The following C5orf47 variants were observed in gnomAD, a reference collection of about 807,000 sequenced individuals.
C5orf47 encodes chromosome 5 open reading frame 47.
A neutral mutation model predicts 20.6 loss-of-function variants in C5orf47; 20 were observed. The observed-to-expected ratio is 0.97, with a 90% CI of 0.68 to 1.41. C5orf47 has a LOEUF of 1.41. C5orf47 is among the 40% of genes most tolerant of loss of function. The pLI is 0.00. For missense variants in C5orf47, 262 were observed against 238.4 expected, an observed-to-expected ratio of 1.10 and a Z score of -0.65; for synonymous variants, 106 against 97.3, an observed-to-expected ratio of 1.09 and a Z score of -0.53.
At chr5:173,993,848 G>T (rs1451135149) in intron 1 of C5orf47, among the ~76,000 whole-genome samples, 2 of 152,184 alleles carry the variant, frequency 1.3e-5, no homozygotes, top group Admixed American at 1.3e-4. Context: ...TGGACCTTGA[G>T]TTTTAAGTCA....
At chr5:174,003,554 A>G (rs566218736) in intron 4 of C5orf47, among the ~76,000 whole-genome samples, 1 of 152,318 alleles carries the variant, frequency 6.6e-6, no homozygotes, top group East Asian at 1.9e-4. Flanking sequence ...AGTGTTGTAC[A>G]GGAGGTAGTG....
intron 1 of C5orf47, among the ~76,000 whole-genome samples, chr5:173,993,371 G>A (rs145484925): frequency 0.014 from 2,070 of 152,248 alleles, 59 homozygotes; most frequent in African/African-American, 0.047. Context: ...AGCCAGGCGC[G>A]GTGGCTCATG....
At chr5:173,989,899 C>T (rs143851244) in intron 1 of C5orf47, among the ~76,000 whole-genome samples, 6,174 of 152,276 alleles carry the variant, frequency 0.041, 183 homozygotes, top group Non-Finnish European at 0.058. Flanking sequence ...CGCAAACCCC[C>T]TCACCTGGAG....
intron 1 of C5orf47, among the ~76,000 whole-genome samples, chr5:173,992,325 A>T (rs1759013766): frequency 6.6e-6 from 1 of 150,726 alleles, no homozygotes; most frequent in South Asian, 2.1e-4. Flanking sequence ...AGACGGGAGG[A>T]TTGCTTAAGG....
downstream of C5orf47, among the ~76,000 whole-genome samples, chr5:174,006,990 C>CA (rs1019544491): frequency 3.9e-5 from 6 of 152,084 alleles, no homozygotes; most frequent in African/African-American, 1.2e-4. Context: ...AGACAGGCCT[C>CA]AAAGGTTCTC....
At chr5:173,994,235 C>T (rs773423663) in intron 1 of C5orf47, among the ~76,000 whole-genome samples, 3 of 152,144 alleles carry the variant, frequency 2.0e-5, no homozygotes, top group Non-Finnish European at 2.9e-5. Flanking sequence ...TTGCAGTTTT[C>T]GGTGCATCTC....
chr5:174,007,377 C>T (rs1178565706), downstream of C5orf47, among the ~76,000 whole-genome samples: 1 of 152,188 alleles, frequency 6.6e-6, no homozygotes, highest in Non-Finnish European at 1.5e-5. Flanking sequence ...TGAATAGTAG[C>T]TCTGAACACA....
downstream of C5orf47, among the ~76,000 whole-genome samples, chr5:174,006,381 T>A (rs1033225520): frequency 6.6e-6 from 1 of 152,080 alleles, no homozygotes; most frequent in Admixed American, 6.5e-5. Flanking sequence ...TAATGAAAAA[T>A]TTTGGTGAGT....
At chr5:173,990,158 C>G in intron 1 of C5orf47, among the ~76,000 whole-genome samples, 2 of 142,904 alleles carry the variant, frequency 1.4e-5, no homozygotes, top group East Asian at 4.1e-4. Context: ...CGGGGTATTG[C>G]TGTGTCACTC....
chr5:173,999,886 T>C, intron 3 of C5orf47, 87 bp downstream of exon 3: 1 of 652,922 alleles, frequency 1.5e-6, no homozygotes, highest in Non-Finnish European at 2.6e-6. Flanking sequence ...TCAGTAGTTT[T>C]CTTAATTGTC....
chr5:174,009,360 A>ATTTCC (rs1759338508), downstream of C5orf47, among the ~76,000 whole-genome samples: 1 of 151,802 alleles, frequency 6.6e-6, no homozygotes, highest in Non-Finnish European at 1.5e-5. Flanking sequence ...TCTATTTACT[A>ATTTCC]TTTCCTTTCT....
rs116776561 is a variant in C5orf47, at chr5:173,996,328, A to G, written c.326-1825A>G. The stretch of plus-strand genomic sequence containing the variant: ...ATACACTGGAGCTAGTCTCAGTACA[A>G]TACACAAAATGAGTGGAAGAAATAT... On this transcript the variant is annotated intron_variant, in intron 1 of 4. Coordinates refer to ENST00000340147, the MANE Select transcript of C5orf47 (RefSeq NM_001144954.2). Among the ~76,000 whole-genome samples the G allele has an allele frequency of 6.4e-3, 970 of 152,356 alleles. 10 individuals carry two copies. Among genetic ancestry groups the G allele is most frequent in the African/African-American group, 0.023 (940 of 41,576 alleles).
Position 173,998,242 on chromosome 5 carries a change from T to C in C5orf47, c.411+4T>C, listed in dbSNP as rs1290140402. On this transcript the variant is annotated splice_donor_region_variant and intron_variant, in intron 2 of 4. Transcript: ENST00000340147. ...AATAATGAAGAAAAAGAAAAAGGTA[T>C]ATTGCTGTAAAGGAGAATGAGCAAT... is the stretch of plus-strand genomic sequence containing the variant. The C allele has an allele frequency of 6.9e-6, 10 of 1,455,928 alleles. No homozygotes were observed. The highest frequency in any genetic ancestry group is 9.4e-6 in the Non-Finnish European group (10 of 1,067,562). 90.2% of individuals were successfully genotyped at this position (1,455,928 alleles called of 1,614,324 possible). A position where few individuals can be genotyped will look rare whatever the true frequency, so the allele number is the denominator to read the frequency against.
chr5:173,998,099 C>A, intron 1 of C5orf47, 54 bp from the exon 2 acceptor site: 1 of 1,036,738 alleles, frequency 9.6e-7, no homozygotes. Flanking sequence ...TCTCTATTTT[C>A]AGATAGTAAA....
intron 1 of C5orf47, among the ~76,000 whole-genome samples, chr5:173,994,477 G>A (rs1012129107): frequency 1.3e-5 from 2 of 152,192 alleles, no homozygotes; most frequent in African/African-American, 4.8e-5. Context: ...GTTGGTGGGT[G>A]GGAGAGATTG....
chr5:174,000,127 G>A (rs961395468), intron 3 of C5orf47, among the ~76,000 whole-genome samples: 1 of 152,032 alleles, frequency 6.6e-6, no homozygotes, highest in Non-Finnish European at 1.5e-5. Flanking sequence ...GAAGCTCATC[G>A]GTATTGATGA....
intron 3 of C5orf47, 88 bp downstream of exon 3, chr5:173,999,887 C>G: frequency 1.5e-6 from 1 of 651,054 alleles, no homozygotes. Context: ...CAGTAGTTTT[C>G]TTAATTGTCA....
At chr5:173,994,105 A>G (rs1409385027) in intron 1 of C5orf47, among the ~76,000 whole-genome samples, 3 of 152,180 alleles carry the variant, frequency 2.0e-5, no homozygotes, top group Non-Finnish European at 4.4e-5. Context: ...AATGTGGTGG[A>G]TGAGGCAAAA....
chr5:173,989,502 C>A lies in C5orf47; in HGVS notation c.239C>A (p.Thr80Asn). The A allele has an allele frequency of 6.5e-7, 1 of 1,544,688 alleles. No individual in the cohort carries two copies. Among genetic ancestry groups the A allele is most frequent in the Admixed American group, 2.0e-5 (1 of 50,508 alleles). ...GGTTCCCAGCTCAGGGTCCCCACGA[C>A]CCCTGGTGTGGAGGCTGCGGCCTCT... Reference protein sequence around the residue: ...PLGSQLRVPTTPGVEAAASAS... With the variant: ...PLGSQLRVPTNPGVEAAASAS... Residue 80 changes from threonine to asparagine, a missense_variant, in exon 1 of 5, where the codon ACC (threonine) becomes AAC (asparagine). Thr to Asn is a moderately conservative substitution (Grantham distance 65). Coordinates refer to ENST00000340147, the MANE Select transcript of C5orf47 (RefSeq NM_001144954.2).
Sources: allele counts gnomAD v4.1 joint callset (sites outside exome capture counted in the v4.1 genomes callset), GRCh38; gene constraint gnomAD v4.1.1; transcripts MANE v1.5; gene names NCBI Gene and HGNC (gene_info 2026-07-23, HGNC 2026-07-21).